The following CRACR2A variants were observed in gnomAD, a reference collection of about 807,000 sequenced individuals.
CRACR2A encodes the protein EF-hand calcium-binding domain-containing protein 4B.
CRACR2A carries 79 observed loss-of-function variants against 90.5 expected under a neutral mutation model. The observed-to-expected ratio is 0.87, with a 90% CI of 0.73 to 1.05. The LOEUF (loss-of-function observed/expected upper bound fraction) is 1.05, where lower values mean the gene tolerates loss of function less well. Ranked by LOEUF, CRACR2A falls within the 50% of genes least tolerant of loss-of-function variation. The probability of loss-of-function intolerance (pLI) is 0.00; values close to 1 mark genes in which losing one functional copy is unlikely to be tolerated. For synonymous variants in CRACR2A, 338 were observed against 356.7 expected (o/e 0.95, Z 0.59); for missense variants, 823 against 897.2 (o/e 0.92, Z 1.06).
At chr12:3,749,795 T>TTGTGTGTGTG (rs200387314) in intron 1 of CRACR2A, among the ~76,000 whole-genome samples, 94 of 144,666 alleles carry the variant, frequency 6.5e-4, no homozygotes, top group African/African-American at 1.9e-3. Context: ...TGCTGTTTCT[T>TTGTGTGTGTG]TGTGTGTGTG....
At chr12:3,622,126 G>A (rs918115707) in intron 17 of CRACR2A, among the ~76,000 whole-genome samples, 3 of 152,146 alleles carry the variant, frequency 2.0e-5, no homozygotes, top group Non-Finnish European at 2.9e-5. Flanking sequence ...CTCAGCACAA[G>A]ATGTTCAAAA....
At chr12:3,734,653 GCATATA>G (rs768423020) in intron 1 of CRACR2A, among the ~76,000 whole-genome samples, 1 of 151,304 alleles carries the variant, frequency 6.6e-6, no homozygotes, top group Non-Finnish European at 1.5e-5. Context: ...GTGTGTGTGT[GCATATA>G]CATAATAGAA....
chr12:3,618,979 C>T (rs1867752657), intron 18 of CRACR2A, among the ~76,000 whole-genome samples: 1 of 152,146 alleles, frequency 6.6e-6, no homozygotes, highest in Non-Finnish European at 1.5e-5. Context: ...AATAAGTAAA[C>T]TATTGCTATC....
At chr12:3,726,472 C>G (rs1000614369) in intron 2 of CRACR2A, 2 of 152,036 alleles carry the variant, frequency 1.3e-5, no homozygotes, top group African/African-American at 2.4e-5. Flanking sequence ...AAATAGAAGC[C>G]ACTTCATATA....
rs565501680 is a variant in CRACR2A, at chr12:3,635,592, G to A, written c.1603-1856C>T. ...TGTAATCATAGCTCACTGCAGCCTT[G>A]AACTCCTGGGCTCAGAACTCCTCCT... On this transcript the variant is annotated intron_variant, in intron 14 of 19. Coordinates refer to ENST00000440314, the MANE Select transcript of CRACR2A (RefSeq NM_001144958.2). 3.2e-3 allele frequency among the ~76,000 whole-genome samples: 488 copies of A among 152,212 alleles called. 4 individuals carry two copies. Among genetic ancestry groups the A allele is most frequent in the African/African-American group, 0.011 (463 of 41,524 alleles).
chr12:3,616,799 C>T (rs1867692320), intron 19 of CRACR2A, among the ~76,000 whole-genome samples, 155 bp downstream of exon 19: 1 of 152,216 alleles, frequency 6.6e-6, no homozygotes. Context: ...CATACAAAGG[C>T]CCAGGACCCC....
Position 3,648,650 on chromosome 12 carries a change from G to C in CRACR2A, c.1047-37C>G, listed in dbSNP as rs76430563. 2.2e-4 allele frequency: 350 copies of C among 1,593,510 alleles called. No homozygotes were observed. The African/African-American group carries it at 4.3e-3, about 20-fold the overall frequency. On this transcript the variant is annotated intron_variant, in intron 10 of 19. Coordinates refer to ENST00000440314, the MANE Select transcript of CRACR2A (RefSeq NM_001144958.2). ...GCAAACACATGGCAGTGAGCTCCCA[G>C]GTGGAAGCCGGATGCCCGGACCCCT...
rs1371731921 is a variant in CRACR2A, at chr12:3,746,848, C to A, written c.-387+6167G>T. Among the ~76,000 whole-genome samples, 1 of 152,166 alleles carries A rather than the reference C, an allele frequency of 6.6e-6. No homozygotes were observed. Among genetic ancestry groups the A allele is most frequent in the African/African-American group, 2.4e-5 (1 of 41,440 alleles). On this transcript the variant is annotated intron_variant, in intron 1 of 19. Coordinates refer to ENST00000440314, the MANE Select transcript of CRACR2A (RefSeq NM_001144958.2). The surrounding 1 kb of genome is among the most constrained non-coding windows in gnomAD (Gnocchi z 4.4). ...ATCTCAACAAGTTGGTTGAGAAGGACCAACAAGGGGAGGAGTACACCCTTA... is the reference window on the plus strand; with the variant it reads ...ATCTCAACAAGTTGGTTGAGAAGGAACAACAAGGGGAGGAGTACACCCTTA...
chr12:3,643,918 T>A (rs1262542914), intron 12 of CRACR2A, among the ~76,000 whole-genome samples: 3 of 109,842 alleles, frequency 2.7e-5, no homozygotes, highest in East Asian at 2.2e-4. Context: ...ATATTTATAT[T>A]ATATATATAT....
chr12:3,716,083 GT>G (rs1742231916), intron 2 of CRACR2A, among the ~76,000 whole-genome samples: 1 of 151,160 alleles, frequency 6.6e-6, no homozygotes, highest in Non-Finnish European at 1.5e-5. Context: ...CTTTTTAGGT[GT>G]TTTTCTTCTA....
chr12:3,634,094 G>A (rs1386033454), intron 14 of CRACR2A, among the ~76,000 whole-genome samples: 6 of 152,212 alleles, frequency 3.9e-5, no homozygotes, highest in African/African-American at 1.4e-4. Context: ...GGGCACAGAG[G>A]AGGGGATCTG....
intron 3 of CRACR2A, 106 bp from the exon 4 acceptor site, chr12:3,697,141 T>C: frequency 7.4e-7 from 1 of 1,344,464 alleles, no homozygotes; most frequent in Non-Finnish European, 9.8e-7. Context: ...CACCAGTGTG[T>C]CCAGGAATCT....
In CRACR2A at chr12:3,678,970, C is replaced by T. The variant is rs892854956; in HGVS notation, c.469G>A (p.Glu157Lys). ...TCCATCAGCATCCGGAACTGGGCTT[C>T]CTCATCTTCGCCCATGTCGCCCAGA... ...EDLGDMGEDE[E>K]AQFRMLMDRL... Residue 157 changes from glutamate (E) to lysine (K), a missense_variant, in exon 6 of 20, where the codon GAA becomes AAA. By Grantham distance (56) the Glu-to-Lys change is moderately conservative. Transcript: ENST00000440314. The T allele has an allele frequency of 2.5e-6, 4 of 1,613,694 alleles. No homozygotes were observed. In the Admixed American group the frequency reaches 5.0e-5, roughly 20 times the overall value.
chr12:3,689,320 G>C (rs1179196017), intron 4 of CRACR2A, among the ~76,000 whole-genome samples: 1 of 152,188 alleles, frequency 6.6e-6, no homozygotes, highest in African/African-American at 2.4e-5. Flanking sequence ...TATGATGTTG[G>C]CTGTTGGTTT....
chr12:3,639,164 A>T (rs1428683135), intron 13 of CRACR2A, among the ~76,000 whole-genome samples: 1 of 152,208 alleles, frequency 6.6e-6, no homozygotes, highest in Admixed American at 6.5e-5. Context: ...GCTTTGGGTC[A>T]GAAGAAAGCC....
chr12:3,621,672 A>AAAAAAAAAAAAAC (rs1565460356), intron 17 of CRACR2A, among the ~76,000 whole-genome samples: 2 of 145,712 alleles, frequency 1.4e-5, no homozygotes, highest in African/African-American at 5.1e-5. Context: ...AAAAAAAAAA[A>AAAAAAAAAAAAAC]AAAAAAAAAC....
intron 2 of CRACR2A, among the ~76,000 whole-genome samples, chr12:3,721,181 A>C (rs1946165667): frequency 6.6e-6 from 1 of 152,146 alleles, no homozygotes; most frequent in South Asian, 2.1e-4. Flanking sequence ...TAGCGGCTCT[A>C]TTCAGCTAAC....
intron 6 of CRACR2A, among the ~76,000 whole-genome samples, chr12:3,677,554 G>C (rs148620135): frequency 6.6e-6 from 1 of 152,142 alleles, no homozygotes; most frequent in South Asian, 2.1e-4. Flanking sequence ...CTTCCGTTAC[G>C]GTGCCTCAGC....
intron 13 of CRACR2A, chr12:3,640,783 T>C: frequency 7.7e-7 from 1 of 1,305,424 alleles, no homozygotes; most frequent in Non-Finnish European, 1.0e-6. Flanking sequence ...TGGCCATCTA[T>C]GTGGACACAG....
Sources: allele counts gnomAD v4.1 joint callset (sites outside exome capture counted in the v4.1 genomes callset), GRCh38; gene constraint gnomAD v4.1.1; non-coding constraint Gnocchi (gnomAD v3.1); transcripts MANE v1.5; gene names NCBI Gene and HGNC (gene_info 2026-07-23, HGNC 2026-07-21).